Variants in JAKMIP3 observed in about 807,000 individuals in gnomAD.
The protein encoded by JAKMIP3 is Janus kinase and microtubule interacting protein 3.
JAKMIP3 carries 58 observed loss-of-function variants against 118.5 expected under a neutral mutation model. That is an observed-to-expected ratio of 0.49 (90% CI 0.40 to 0.61). JAKMIP3 has a LOEUF of 0.61. JAKMIP3 is among the 20% of genes least tolerant of loss of function. The probability of loss-of-function intolerance (pLI) is 0.00; values close to 1 mark genes in which losing one functional copy is unlikely to be tolerated. For synonymous variants in JAKMIP3, 486 were observed against 451.2 expected (o/e 1.08, Z -0.98); for missense variants, 950 against 1,109.0 (o/e 0.86, Z 2.04).
intron 23 of JAKMIP3, among the ~76,000 whole-genome samples, chr10:132,180,652 CGT>C (rs1214705992): frequency 0.028 from 245 of 8,658 alleles, 27 homozygotes; most frequent in African/African-American, 0.066. Flanking sequence ...TGTGCGTGTG[CGT>C]GTGCGTGTGT....
chr10:132,043,489 G>A (rs375079880), intron 1 of JAKMIP3, among the ~76,000 whole-genome samples: 81 of 152,312 alleles, frequency 5.3e-4, no homozygotes, highest in East Asian at 3.9e-4. Context: ...GTGCAGCACC[G>A]CAGAGAATCC....
chr10:132,180,578 T>C lies in JAKMIP3; in HGVS notation c.*1104-1779T>C, dbSNP rs201041556. ...GCATGCGTGTGTGTGCGTGTGTGTG[T>C]GCGTGCGCGTGTGTGTGTGCGTGCG... is the stretch of plus-strand genomic sequence containing the variant. On this transcript the variant is annotated intron_variant, in intron 23 of 23. Transcript: ENST00000684848. 1.0e-2 allele frequency among the ~76,000 whole-genome samples: 237 copies of C among 23,770 alleles called. 42 individuals are homozygous for C. Among genetic ancestry groups the C allele is most frequent in the East Asian group, 0.076 (9 of 118 alleles). The allele number at this position is 23,770 out of a possible 152,430, so 15.6% of individuals were successfully genotyped here.
chr10:132,075,048 A>G (rs1294269655), intron 1 of JAKMIP3, among the ~76,000 whole-genome samples: 1 of 152,156 alleles, frequency 6.6e-6, no homozygotes, highest in Non-Finnish European at 1.5e-5. Flanking sequence ...TGTCTATTTT[A>G]TACCAGCACC....
chr10:132,143,171 G>A (rs2637624), intron 11 of JAKMIP3, among the ~76,000 whole-genome samples: 84,606 of 151,022 alleles, frequency 0.56, 24,258 homozygotes, highest in African/African-American at 0.67. Flanking sequence ...CTTGGAGGGG[G>A]CGTCCCCTCC....
Position 132,150,289 on chromosome 10 carries a change from C to T in JAKMIP3, c.2007+248C>T, listed in dbSNP as rs572266380. On this transcript the variant is annotated intron_variant, in intron 16 of 23. Transcript: ENST00000684848. ...TGGCACTTCCCATCACATTGCCCAG[C>T]TTCTGGGATCTCTCAGCCCTTCCAT... Among the ~76,000 whole-genome samples, 8 of 152,216 alleles carry T rather than the reference C, an allele frequency of 5.3e-5. No homozygotes were observed. The South Asian group carries it at 1.2e-3, about 24-fold the overall frequency.
intron 23 of JAKMIP3, among the ~76,000 whole-genome samples, chr10:132,177,930 A>G (rs2060334213): frequency 7.3e-6 from 1 of 136,604 alleles, no homozygotes; most frequent in African/African-American, 2.8e-5. Flanking sequence ...GTGTGTGTGC[A>G]CCTGCTCCTG....
At position 132,180,624 on chromosome 10, in the gene JAKMIP3, TGC is replaced by T. The variant is rs1319137751; in HGVS notation, c.*1104-1731_*1104-1730del. ...GTGCGCGTGTGTGTGTGCGTGTGTGTGCGTGTGTGCGTGCGTGTGTGCGTGTG... is the reference window on the plus strand; with the variant it reads ...GTGCGCGTGTGTGTGTGCGTGTGTGTGTGTGTGCGTGCGTGTGTGCGTGTG... On this transcript the variant is annotated intron_variant, in intron 23 of 23. Coordinates refer to ENST00000684848, the MANE Select transcript of JAKMIP3 (RefSeq NM_001323087.2). Among the ~76,000 whole-genome samples the T allele has an allele frequency of 2.8e-3, 51 of 18,072 alleles. 6 individuals are homozygous for T. Among genetic ancestry groups the T allele is most frequent in the African/African-American group, 3.3e-3 (13 of 3,886 alleles). The allele number at this position is 18,072 out of a possible 152,430, so 11.9% of individuals were successfully genotyped here.
At chr10:132,177,501 CCTG>C (rs35874942) in intron 23 of JAKMIP3, among the ~76,000 whole-genome samples, 90,393 of 146,710 alleles carry the variant, frequency 0.62, 29,268 homozygotes, top group East Asian at 0.9. Flanking sequence ...TGTGTATACA[CCTG>C]CTCCTGTGCC....
At chr10:132,067,202 G>A (rs535678217) in intron 1 of JAKMIP3, among the ~76,000 whole-genome samples, 1 of 150,138 alleles carries the variant, frequency 6.7e-6, no homozygotes, top group African/African-American at 2.5e-5. Context: ...CCACAGAGTA[G>A]ATCAATATGA....
intron 1 of JAKMIP3, among the ~76,000 whole-genome samples, chr10:132,084,776 A>G (rs1440257987): frequency 6.6e-6 from 1 of 152,174 alleles, no homozygotes; most frequent in African/African-American, 2.4e-5. Context: ...GAGAGTTTTA[A>G]TTATAAAGGG....
At chr10:132,107,896 G>A (rs1040801446) in intron 2 of JAKMIP3, among the ~76,000 whole-genome samples, 130 of 152,356 alleles carry the variant, frequency 8.5e-4, no homozygotes, top group African/African-American at 3.1e-3. Context: ...CTGGGCCAGA[G>A]CGTGTCTATG....
At chr10:132,155,109 A>T (rs1178007087) in intron 19 of JAKMIP3, among the ~76,000 whole-genome samples, 1 of 65,262 alleles carries the variant, frequency 1.5e-5, no homozygotes, top group Non-Finnish European at 3.3e-5. Flanking sequence ...GATGGTGGCG[A>T]TGATGGTCAT....
chr10:132,106,946 T>C (rs7476404), intron 2 of JAKMIP3, among the ~76,000 whole-genome samples: 100,010 of 152,100 alleles, frequency 0.66, 33,360 homozygotes, highest in East Asian at 0.9. Context: ...TGCAGTGGTG[T>C]GATCTCAGCT....
chr10:132,135,277 C>A lies in JAKMIP3; in HGVS notation c.969+117C>A, dbSNP rs1011822490. ...AAGGAGTGGTGGTTGCAAGGACCGG[C>A]CTTGCGTCGAAGTCTCCTGACTGTG... On this transcript the variant is annotated intron_variant, in intron 5 of 23. Coordinates refer to ENST00000684848, the MANE Select transcript of JAKMIP3 (RefSeq NM_001323087.2). 7.5e-6 allele frequency: 8 copies of A among 1,065,264 alleles called. No homozygotes were observed. In the African/African-American group the frequency reaches 1.1e-4, roughly 15 times the overall value. 66.0% of individuals were successfully genotyped at this position (1,065,264 alleles called of 1,614,324 possible). A position where few individuals can be genotyped will look rare whatever the true frequency, so the allele number is the denominator to read the frequency against.
intron 15 of JAKMIP3, 26 bp downstream of exon 15, chr10:132,149,536 CCGCCCCCACCT>C: frequency 8.3e-7 from 1 of 1,200,452 alleles, no homozygotes; most frequent in African/African-American, 2.2e-5. Flanking sequence ...CCTGCCCACT[CCGCCCCCACCT>C]CACCCATCCC....
At chr10:132,054,062 G>A (rs1477098418) in intron 1 of JAKMIP3, among the ~76,000 whole-genome samples, 2 of 140,206 alleles carry the variant, frequency 1.4e-5, no homozygotes, top group Non-Finnish European at 3.1e-5. Context: ...AAAAAAAAAT[G>A]CTGGCCACTG....
intron 1 of JAKMIP3, among the ~76,000 whole-genome samples, chr10:132,076,473 C>A (rs1412334602): frequency 6.6e-6 from 1 of 152,270 alleles, no homozygotes; most frequent in Non-Finnish European, 1.5e-5. Flanking sequence ...GTGAACATAC[C>A]TGTGTGTGTT....
intron 23 of JAKMIP3, among the ~76,000 whole-genome samples, chr10:132,182,080 C>A (rs1303988344): frequency 6.6e-6 from 1 of 152,246 alleles, no homozygotes; most frequent in African/African-American, 2.4e-5. Context: ...GATCCAAGGT[C>A]ACTTCTGTAG....
intron 23 of JAKMIP3, among the ~76,000 whole-genome samples, chr10:132,171,652 C>CTTTT (rs34371364): frequency 1.3e-4 from 17 of 135,768 alleles, no homozygotes; most frequent in African/African-American, 4.2e-4. Context: ...TTTTTTCTTT[C>CTTTT]TTTTTTTTTT....
Sources: gnomAD v4.1 joint callset for allele counts (sites outside exome capture counted in the v4.1 genomes callset) on GRCh38, gnomAD v4.1.1 for gene constraint, MANE v1.5 for transcripts, NCBI Gene and HGNC (gene_info 2026-07-23, HGNC 2026-07-21) for gene names.